AOAH: variants seen among roughly 807,000 people sequenced by gnomAD.
AOAH encodes acyloxyacyl hydrolase.
A neutral mutation model predicts 92.2 loss-of-function variants in AOAH; 64 were observed. The observed-to-expected ratio is 0.69, with a 90% confidence interval of 0.57 to 0.86. The LOEUF is 0.86. Ranked by LOEUF, AOAH falls within the 40% of genes least tolerant of loss-of-function variation. The pLI is 0.00. For missense variants in AOAH, 656 were observed against 694.6 expected (o/e 0.94, Z 0.62); for synonymous variants, 263 against 254.5 (o/e 1.03, Z -0.32).
intron 13 of AOAH, among the ~76,000 whole-genome samples, chr7:36,556,611 G>T (rs1786736906): frequency 6.8e-6 from 1 of 146,808 alleles, no homozygotes; most frequent in Non-Finnish European, 1.5e-5. Flanking sequence ...ATTATTGTGT[G>T]GGAGTCTAAG....
chr7:36,553,924 T>G (rs933273099), intron 13 of AOAH, among the ~76,000 whole-genome samples: 2,427 of 152,204 alleles, frequency 0.016, 53 homozygotes, highest in African/African-American at 0.054. Flanking sequence ...TTTCTCCCAT[T>G]TTGTAGGTTG....
In AOAH at chr7:36,558,913, A is replaced by T. The variant is rs141677962; in HGVS notation, c.1022-9438T>A. 5.3e-3 allele frequency among the ~76,000 whole-genome samples: 800 copies of T among 152,182 alleles called. 6 individuals are homozygous for T. Among genetic ancestry groups the T allele is most frequent in the African/African-American group, 0.018 (767 of 41,522 alleles). On this transcript the variant is annotated intron_variant, in intron 13 of 20. Transcript: ENST00000617537. ...CTTGACCAGGAAAGGGAACTCCTTG[A>T]CCCCTTGCACTTCCCGAGTGAGGCA...
intron 19 of AOAH, among the ~76,000 whole-genome samples, chr7:36,526,843 G>T (rs1371950577): frequency 1.3e-5 from 2 of 152,176 alleles, no homozygotes; most frequent in African/African-American, 2.4e-5. Context: ...ATATTTTAAA[G>T]AAAAGGCTGC....
At chr7:36,641,302 C>T (rs563658212) in intron 4 of AOAH, among the ~76,000 whole-genome samples, 2 of 152,252 alleles carry the variant, frequency 1.3e-5, no homozygotes, top group African/African-American at 2.4e-5. Context: ...GGGATTCACC[C>T]GGGAACTGCC....
intron 15 of AOAH, among the ~76,000 whole-genome samples, chr7:36,545,964 A>T (rs1293805588): frequency 2.6e-5 from 4 of 152,216 alleles, no homozygotes; most frequent in African/African-American, 9.6e-5. Flanking sequence ...TTCTCCTTCC[A>T]TATCATTCAC....
At chr7:36,621,548 G>A (rs965628498) in intron 8 of AOAH, among the ~76,000 whole-genome samples, 162 bp downstream of exon 8, 2 of 152,202 alleles carry the variant, frequency 1.3e-5, no homozygotes, top group Non-Finnish European at 1.5e-5. Context: ...ACAAACGAAC[G>A]AATGAATGCC....
intron 2 of AOAH, among the ~76,000 whole-genome samples, chr7:36,681,827 A>C (rs1391507071): frequency 6.6e-6 from 1 of 152,106 alleles, no homozygotes; most frequent in Admixed American, 6.6e-5. Context: ...AATAAATAAG[A>C]GTACCTGAAT....
intron 16 of AOAH, among the ~76,000 whole-genome samples, chr7:36,538,336 C>A (rs1438402941): frequency 6.6e-6 from 1 of 151,994 alleles, no homozygotes; most frequent in African/African-American, 2.4e-5. Context: ...CTCATTCTTA[C>A]ATTCTTACAT....
chr7:36,718,502 A>G (rs1393123222), intron 1 of AOAH, among the ~76,000 whole-genome samples: 1 of 152,250 alleles, frequency 6.6e-6, no homozygotes, highest in Non-Finnish European at 1.5e-5. Context: ...AATCTTGTAC[A>G]TGAATATTCA....
intron 1 of AOAH, among the ~76,000 whole-genome samples, chr7:36,722,935 GAAAAAAAAA>G (rs11407908): frequency 1.0e-4 from 5 of 49,504 alleles, no homozygotes; most frequent in Non-Finnish European, 1.4e-4. Flanking sequence ...ATCCATCTCA[GAAAAAAAAA>G]AAAAAAAAAA....
Position 36,530,423 on chromosome 7 carries a change from T to C in AOAH, c.1517A>G (p.His506Arg), listed in dbSNP as rs753997460. Residue 506 changes from histidine to arginine, a missense_variant, in exon 19 of 21, where the codon CAT becomes CGT. By Grantham distance (29) the His-to-Arg change is conservative. Coordinates refer to ENST00000617537, the MANE Select transcript of AOAH (RefSeq NM_001637.4). ...ACCCAAACAAAGCTACTTACTTTCA[T>C]GGAAGGCAAAATCCATGTAGAAAAG... ...FNLFYMDFAFHEIIQEWQKRG... is the reference protein window; with the variant it reads ...FNLFYMDFAFREIIQEWQKRG... The C allele has an allele frequency of 2.5e-6, 4 of 1,610,132 alleles. No homozygotes were observed. The Admixed American group carries it at 6.7e-5, about 27-fold the overall frequency.
chr7:36,650,496 C>A (rs1446118578), intron 4 of AOAH, among the ~76,000 whole-genome samples: 1 of 152,178 alleles, frequency 6.6e-6, no homozygotes, highest in Non-Finnish European at 1.5e-5. Context: ...TCAATGACAG[C>A]TTTCAGGCTT....
intron 20 of AOAH, chr7:36,514,585 C>A: frequency 6.5e-7 from 1 of 1,535,322 alleles, no homozygotes; most frequent in South Asian, 1.2e-5. Flanking sequence ...GGAGGATGCT[C>A]TTTCTCTGCA....
At chr7:36,526,851 T>C (rs896013175) in intron 19 of AOAH, among the ~76,000 whole-genome samples, 1 of 152,224 alleles carries the variant, frequency 6.6e-6, no homozygotes, top group East Asian at 1.9e-4. Context: ...AAGAAAAGGC[T>C]GCTTTCTGGC....
chr7:36,535,371 C>T (rs1353334230), intron 16 of AOAH, among the ~76,000 whole-genome samples: 3 of 152,072 alleles, frequency 2.0e-5, no homozygotes, highest in Non-Finnish European at 2.9e-5. Flanking sequence ...ATCTTAGGTA[C>T]CGTAGAAACT....
intron 6 of AOAH, 54 bp from the exon 7 acceptor site, chr7:36,623,304 T>C: frequency 6.6e-7 from 1 of 1,512,322 alleles, no homozygotes; most frequent in Non-Finnish European, 9.2e-7. Context: ...GTAACAGTGT[T>C]GGTGAAAACA....
rs1183394230 is a variant in AOAH at position 36,516,270 on chromosome 7, C to T, written c.1600-2890G>A. 2.0e-5 allele frequency among the ~76,000 whole-genome samples: 3 copies of T among 150,642 alleles called. No individual in the cohort carries two copies. Among genetic ancestry groups the T allele is most frequent in the Admixed American group, 6.6e-5 (1 of 15,112 alleles). On this transcript the variant is annotated intron_variant, in intron 20 of 20. Coordinates refer to ENST00000617537, the MANE Select transcript of AOAH (RefSeq NM_001637.4). This position sits in a 1 kb window ranked among gnomAD's most constrained non-coding sequence, Gnocchi z 5.0. ...GATACCACCACATGCACACTCACCA[C>T]ATACACATATAACATACACACACCC...
chr7:36,709,818 C>T (rs1227845156), intron 1 of AOAH, among the ~76,000 whole-genome samples: 2 of 151,930 alleles, frequency 1.3e-5, no homozygotes, highest in East Asian at 3.9e-4. Flanking sequence ...GTGTGAAATC[C>T]ATGAGAAAAA....
In AOAH at chr7:36,540,458, A is replaced by G. The variant is rs1441424861; in HGVS notation, c.1167T>C (p.Pro389=). The G allele has an allele frequency of 9.3e-6, 15 of 1,613,662 alleles. No individual in the cohort carries two copies. The highest frequency in any genetic ancestry group is 1.2e-5 in the Non-Finnish European group (14 of 1,179,842). Residue 389 remains proline, a synonymous_variant, in exon 16 of 21, where the codon CCT becomes CCC. Coordinates refer to ENST00000617537, the MANE Select transcript of AOAH (RefSeq NM_001637.4). ...KSDPVPAMTT[P]EKLYSNVMQT... is the part of the protein sequence containing the mutation. ...GCATGACGTTGGAGTAGAGTTTCTC[A>G]GGAGTGGTCATGGCTGGGACTGGGT... is the stretch of plus-strand genomic sequence containing the variant.
Sources: gnomAD v4.1 joint callset for allele counts (sites outside exome capture counted in the v4.1 genomes callset) on GRCh38, gnomAD v4.1.1 for gene constraint, Gnocchi (gnomAD v3.1) non-coding constraint, MANE v1.5 for transcripts, NCBI Gene and HGNC (gene_info 2026-07-23, HGNC 2026-07-21) for gene names.